Variants in FMN1 observed in about 807,000 individuals in gnomAD.
FMN1 encodes formin-1.
FMN1 carries 110 observed loss-of-function variants against 132.4 expected under a neutral mutation model. The observed-to-expected ratio is 0.83, with a 90% confidence interval of 0.71 to 0.97. The LOEUF (loss-of-function observed/expected upper bound fraction) is 0.97, where lower values mean the gene tolerates loss of function less well. Among genes scored for constraint, FMN1 ranks in the 50% least tolerant of loss-of-function variants. The probability of loss-of-function intolerance (pLI) is 0.00; values close to 1 mark genes in which losing one functional copy is unlikely to be tolerated. For synonymous variants in FMN1, 722 were observed against 651.7 expected, an observed-to-expected ratio of 1.11 and a Z score of -1.64; for missense variants, 1,792 against 1,705.3, an observed-to-expected ratio of 1.05 and a Z score of -0.90.
chr15:33,122,636 G>A (rs911900153), intron 4 of FMN1, among the ~76,000 whole-genome samples: 14 of 152,294 alleles, frequency 9.2e-5, no homozygotes, highest in African/African-American at 3.4e-4. Context: ...CTAGTGACAG[G>A]TACAATGTGA....
At chr15:33,065,688 A>T (rs2037692159) in intron 5 of FMN1, among the ~76,000 whole-genome samples, 2 of 152,182 alleles carry the variant, frequency 1.3e-5, no homozygotes, top group South Asian at 4.1e-4. Context: ...CATTTTTAAC[A>T]TTTTAACTGA....
chr15:33,102,763 T>C (rs973195918), intron 4 of FMN1, among the ~76,000 whole-genome samples: 2 of 152,154 alleles, frequency 1.3e-5, no homozygotes, highest in African/African-American at 2.4e-5. Flanking sequence ...TATGGAAACA[T>C]TGACTGACAT....
chr15:32,935,633 CTT>C (rs35444350), intron 9 of FMN1, among the ~76,000 whole-genome samples: 2 of 145,842 alleles, frequency 1.4e-5, no homozygotes, highest in African/African-American at 2.5e-5. Context: ...TTTCTTTACT[CTT>C]TTTTTTTTTT....
chr15:33,051,231 C>G (rs1185738322), intron 6 of FMN1, among the ~76,000 whole-genome samples: 3 of 152,124 alleles, frequency 2.0e-5, no homozygotes, highest in Non-Finnish European at 4.4e-5. Flanking sequence ...TCTATCCTTC[C>G]TGAGAATCAG....
At chr15:32,901,103 G>A (rs932976263) in intron 13 of FMN1, among the ~76,000 whole-genome samples, 11 of 152,014 alleles carry the variant, frequency 7.2e-5, no homozygotes, top group African/African-American at 2.2e-4. Flanking sequence ...GCAATGAGCC[G>A]AGATCACGCT....
At chr15:33,096,939 T>C (rs2039107102) in intron 4 of FMN1, among the ~76,000 whole-genome samples, 2 of 152,138 alleles carry the variant, frequency 1.3e-5, no homozygotes, top group Non-Finnish European at 2.9e-5. Context: ...GACTGGTTGA[T>C]AATGTCCCAT....
rs534344174 is a variant in FMN1 at position 32,813,759 on chromosome 15, G to C, written c.3929-9427C>G. On this transcript the variant is annotated intron_variant, in intron 17 of 20. Transcript: ENST00000616417. Reference sequence around the variant, plus strand: ...TAGCCCAACTATTTAATCTCAACGTGGAGAAAATGGATACCCAAGTAGATG... The same window carrying C: ...TAGCCCAACTATTTAATCTCAACGTCGAGAAAATGGATACCCAAGTAGATG... 2.0e-5 allele frequency among the ~76,000 whole-genome samples: 3 copies of C among 152,200 alleles called. No homozygotes were observed. The South Asian group carries it at 6.2e-4, about 32-fold the overall frequency.
At chr15:33,100,223 T>TAAAAA (rs61200336) in intron 4 of FMN1, among the ~76,000 whole-genome samples, 2 of 115,468 alleles carry the variant, frequency 1.7e-5, no homozygotes, top group Non-Finnish European at 1.9e-5. Context: ...ACTTTCACAG[T>TAAAAA]AAAAAAAAAA....
chr15:32,885,448 C>T (rs997281550), intron 16 of FMN1, among the ~76,000 whole-genome samples: 1 of 152,176 alleles, frequency 6.6e-6, no homozygotes, highest in Admixed American at 6.5e-5. Flanking sequence ...CCTTAGAAGT[C>T]GTATCTAGTT....
At chr15:33,071,702 G>C (rs2038006935) in intron 5 of FMN1, among the ~76,000 whole-genome samples, 1 of 151,758 alleles carries the variant, frequency 6.6e-6, no homozygotes, top group African/African-American at 2.4e-5. Context: ...GATTCAAAGA[G>C]ATCTTTTAAC....
intron 11 of FMN1, 91 bp downstream of exon 11, chr15:32,910,383 C>A: frequency 9.3e-7 from 1 of 1,069,610 alleles, no homozygotes. Context: ...CACGTCAAAA[C>A]CCTTACTACC....
chr15:32,809,433 A>G (rs2057796004), intron 17 of FMN1, among the ~76,000 whole-genome samples: 1 of 152,138 alleles, frequency 6.6e-6, no homozygotes, highest in Non-Finnish European at 1.5e-5. Context: ...CCCCCTCTGA[A>G]GACAAAGTGC....
chr15:32,851,291 G>C (rs546562458), intron 17 of FMN1, among the ~76,000 whole-genome samples: 3 of 152,166 alleles, frequency 2.0e-5, no homozygotes, highest in Non-Finnish European at 4.4e-5. Flanking sequence ...CCCTGCCAAA[G>C]CTATAAATAC....
intron 5 of FMN1, among the ~76,000 whole-genome samples, chr15:33,085,580 A>G (rs914989424): frequency 4.0e-5 from 6 of 149,480 alleles, no homozygotes; most frequent in African/African-American, 7.3e-5. Context: ...CATAATTTAT[A>G]TATCATATAT....
rs78763162 is a variant in FMN1, at chr15:32,994,594, G to A, written c.2223+13420C>T. Reference sequence around the variant, plus strand: ...ATCTGTTTCTCTGAATGGACTACAAGCTCCAAGAGAGTGGGGCCTATTATC... The same window carrying A: ...ATCTGTTTCTCTGAATGGACTACAAACTCCAAGAGAGTGGGGCCTATTATC... On this transcript the variant is annotated intron_variant, in intron 7 of 20. Transcript: ENST00000616417. Among the ~76,000 whole-genome samples the A allele has an allele frequency of 1.9e-3, 293 of 152,270 alleles. 1 individual carries two copies. Among genetic ancestry groups the A allele is most frequent in the Non-Finnish European group, 3.2e-3 (216 of 68,036 alleles).
intron 7 of FMN1, among the ~76,000 whole-genome samples, chr15:33,002,002 C>G (rs977444579): frequency 2.0e-5 from 3 of 152,098 alleles, no homozygotes; most frequent in African/African-American, 7.2e-5. Context: ...GTGGGGGAAA[C>G]TGAACAATTA....
At chr15:33,099,813 T>C (rs903027036) in intron 4 of FMN1, among the ~76,000 whole-genome samples, 7 of 152,202 alleles carry the variant, frequency 4.6e-5, no homozygotes, top group African/African-American at 1.7e-4. Flanking sequence ...AGTGGGAATA[T>C]GGTATGAGTT....
rs200018358 is a variant in FMN1 at position 33,066,607 on chromosome 15, A to C, written c.2044-1533T>G. ...TCTCATGTCTCATCTTGCGCTTGAG[A>C]GCTTCCAGCTCAGAGGTGTCAGCTG... On this transcript the variant is annotated intron_variant, in intron 5 of 20. Transcript: ENST00000616417. 212 of 1,613,728 alleles carry C rather than the reference A, an allele frequency of 1.3e-4. 1 individual carries two copies. The Admixed American group carries it at 3.5e-3, about 27-fold the overall frequency.
chr15:32,949,444 C>A (rs2061577089), intron 9 of FMN1, among the ~76,000 whole-genome samples: 1 of 152,044 alleles, frequency 6.6e-6, no homozygotes, highest in Non-Finnish European at 1.5e-5. Context: ...CAAAAACAAG[C>A]AATAGAGAAA....
Sources: allele counts gnomAD v4.1 joint callset (sites outside exome capture counted in the v4.1 genomes callset), GRCh38; gene constraint gnomAD v4.1.1; transcripts MANE v1.5; gene names NCBI Gene and HGNC (gene_info 2026-07-23, HGNC 2026-07-21).